Variants in SLC11A2 observed in about 807,000 individuals in gnomAD.
The protein encoded by SLC11A2 is solute carrier family 11 member 2, also known as natural resistance-associated macrophage protein 2.
In SLC11A2, 38 loss-of-function variants were observed where a neutral mutation model predicts 68.0. That is an observed-to-expected ratio of 0.56 (90% CI 0.43 to 0.73). SLC11A2 has a LOEUF of 0.73. Ranked by LOEUF, SLC11A2 falls within the 30% of genes least tolerant of loss-of-function variation. SLC11A2 has a pLI of 0.00. For synonymous variants in SLC11A2, 242 were observed against 250.6 expected (o/e 0.97, Z 0.32); for missense variants, 517 against 690.5 (o/e 0.75, Z 2.82).
chr12:51,000,300 G>A lies in SLC11A2; in HGVS notation c.536+13C>T, dbSNP rs1219682523. 3.8e-6 allele frequency: 6 copies of A among 1,576,180 alleles called. No homozygotes were observed. In the African/African-American group the frequency reaches 6.7e-5, roughly 18 times the overall value. ...GCAAAACACTGATGACTTTCTAGAG[G>A]AAAACCCCTCACCTTCCTACAGACA... On this transcript the variant is annotated intron_variant, in intron 6 of 15. Transcript: ENST00000262052.
the SLC11A2 span, among the ~76,000 whole-genome samples, chr12:50,971,802 T>A: frequency 6.6e-6 from 1 of 152,258 alleles, no homozygotes; most frequent in African/African-American, 2.4e-5. Context: ...AGGTTTACAC[T>A]GACAAGAAGG....
At chr12:50,958,975 C>G in the SLC11A2 span, among the ~76,000 whole-genome samples, 1 of 151,176 alleles carries the variant, frequency 6.6e-6, no homozygotes, top group Admixed American at 6.6e-5. Context: ...TGAGATTGTA[C>G]CACTTCACTG....
the SLC11A2 span, among the ~76,000 whole-genome samples, chr12:50,957,747 T>C: frequency 6.6e-6 from 1 of 151,772 alleles, no homozygotes; most frequent in African/African-American, 2.4e-5. Flanking sequence ...TAGCCAGGTG[T>C]GGTGGCATGC....
downstream of SLC11A2, among the ~76,000 whole-genome samples, chr12:50,984,383 TTAAG>T (rs1940342593): frequency 6.6e-6 from 1 of 152,158 alleles, no homozygotes; most frequent in South Asian, 2.1e-4. Context: ...TAATTTAGGC[TTAAG>T]TAAATAACAG....
chr12:51,010,909 TAC>T (rs1943165694), intron 1 of SLC11A2, 143 bp from the exon 2 acceptor site: 3 of 486,550 alleles, frequency 6.2e-6, no homozygotes, highest in Non-Finnish European at 3.8e-6. Flanking sequence ...TGAAAATAAT[TAC>T]AGTTTTCAGA....
the SLC11A2 span, among the ~76,000 whole-genome samples, chr12:50,962,555 C>T: frequency 6.6e-6 from 1 of 150,560 alleles, no homozygotes; most frequent in Non-Finnish European, 1.5e-5. Flanking sequence ...CAAAAATTAG[C>T]CAGGTGTGGC....
At chr12:50,957,443 T>C in the SLC11A2 span, among the ~76,000 whole-genome samples, 16 of 151,202 alleles carry the variant, frequency 1.1e-4, no homozygotes, top group Admixed American at 1.1e-3. Flanking sequence ...AAGTGATCCA[T>C]CAGTCTCAGC....
intron 1 of SLC11A2, among the ~76,000 whole-genome samples, chr12:51,013,538 A>G (rs1454476336): frequency 6.6e-6 from 1 of 151,586 alleles, no homozygotes; most frequent in African/African-American, 2.4e-5. Context: ...ATGATGATTA[A>G]TATCATTAAG....
chr12:50,963,389 AAAAAG>A, the SLC11A2 span, among the ~76,000 whole-genome samples: 37 of 134,498 alleles, frequency 2.8e-4, no homozygotes, highest in African/African-American at 9.8e-4. Flanking sequence ...AAAAAAAAAA[AAAAAG>A]AAAAGAAAAG....
the SLC11A2 span, among the ~76,000 whole-genome samples, chr12:50,969,624 G>A: frequency 6.6e-6 from 1 of 151,870 alleles, no homozygotes; most frequent in Non-Finnish European, 1.5e-5. Context: ...GCTTGAACCT[G>A]GGAAGCGGAG....
At chr12:51,018,609 T>TG (rs1237636744) in intron 1 of SLC11A2, among the ~76,000 whole-genome samples, 1 of 151,712 alleles carries the variant, frequency 6.6e-6, no homozygotes, top group Non-Finnish European at 1.5e-5. Flanking sequence ...CAAAACCCCA[T>TG]CCCTACAAAA....
At position 51,006,785 on chromosome 12, in the gene SLC11A2, TAG is replaced by T. The variant is rs368635518; in HGVS notation, c.184-1351_184-1350del. ...CTTTTTTTATTTATTTTTATTTTTG[TAG>T]AGACAGGGTTTTGCCATGTTGCCCA... On this transcript the variant is annotated intron_variant, in intron 3 of 15. Transcript: ENST00000262052. Among the ~76,000 whole-genome samples, 17 of 152,322 alleles carry T rather than the reference TAG, an allele frequency of 1.1e-4. No individual in the cohort carries two copies. In the East Asian group the frequency reaches 3.3e-3, roughly 29 times the overall value.
intron 9 of SLC11A2, among the ~76,000 whole-genome samples, 163 bp downstream of exon 9, chr12:50,996,654 A>C (rs1941730338): frequency 6.6e-6 from 1 of 152,116 alleles, no homozygotes; most frequent in Non-Finnish European, 1.5e-5. Flanking sequence ...TTTGGTGATA[A>C]AAACAGCATC....
chr12:50,998,921 G>GA, intron 8 of SLC11A2, among the ~76,000 whole-genome samples: 1 of 152,172 alleles, frequency 6.6e-6, no homozygotes, highest in South Asian at 2.1e-4. Flanking sequence ...TGGGACCAAA[G>GA]AATCTAGTCT....
At chr12:51,005,215 T>G (rs1319910683) in intron 4 of SLC11A2, 96 bp downstream of exon 4, 1 of 1,320,230 alleles carries the variant, frequency 7.6e-7, no homozygotes, top group Non-Finnish European at 1.1e-6. Flanking sequence ...TATCTGCATG[T>G]AGCCCCTGAG....
At chr12:50,989,267 AT>A in intron 15 of SLC11A2, among the ~76,000 whole-genome samples, 1 of 152,312 alleles carries the variant, frequency 6.6e-6, no homozygotes. Flanking sequence ...AGGCAGGTGG[AT>A]CACCTGAGGT....
chr12:51,027,647 G>C (rs1306123014), upstream of SLC11A2, among the ~76,000 whole-genome samples: 4 of 152,206 alleles, frequency 2.6e-5, no homozygotes, highest in East Asian at 1.9e-4. Flanking sequence ...CTGGTGAAGA[G>C]GGAATAAATG....
rs1942356074 is a variant in SLC11A2, at chr12:51,002,637, T to TCAAAAAAAAAAA, written c.429+2139_429+2150dup. On this transcript the variant is annotated intron_variant, in intron 5 of 15. Transcript: ENST00000262052. ...CTGGGTGACAAAGCGAGACTTGGTC[T>TCAAAAAAAAAAA]CAAAAAAAAAAAAAAAGGGCAGAGC... 6.2e-4 allele frequency among the ~76,000 whole-genome samples: 2 copies of TCAAAAAAAAAAA among 3,218 alleles called. 1 individual carries two copies. The highest frequency in any genetic ancestry group is 9.0e-4 in the African/African-American group (2 of 2,222). The allele number at this position is 3,218 out of a possible 152,430, so 2.1% of individuals were successfully genotyped here. A position where few individuals can be genotyped will look rare whatever the true frequency, so the allele number is the denominator to read the frequency against.
At position 51,012,980 on chromosome 12, in the gene SLC11A2, C is replaced by T. The variant is rs554965950; in HGVS notation, c.-38-2214G>A. Reference sequence around the variant, plus strand: ...AATCACAGCACAGCCCCGACGTTCCCGGCAAAGCCTTTTTACTTTTGTTTT... The same window carrying T: ...AATCACAGCACAGCCCCGACGTTCCTGGCAAAGCCTTTTTACTTTTGTTTT... On this transcript the variant is annotated intron_variant, in intron 1 of 15. Transcript: ENST00000262052. Among the ~76,000 whole-genome samples, 5 of 152,294 alleles carry T rather than the reference C, an allele frequency of 3.3e-5. No individual in the cohort carries two copies. The South Asian group carries it at 8.3e-4, about 25-fold the overall frequency.
Sources: gnomAD v4.1 joint callset for allele counts (sites outside exome capture counted in the v4.1 genomes callset) on GRCh38, gnomAD v4.1.1 for gene constraint, MANE v1.5 for transcripts, NCBI Gene and HGNC (gene_info 2026-07-23, HGNC 2026-07-21) for gene names.